The following PLSCR1 variants were observed in gnomAD, a reference collection of about 807,000 sequenced individuals.
PLSCR1 encodes the protein PL scramblase 1.
A neutral mutation model predicts 37.8 loss-of-function variants in PLSCR1; 17 were observed. The ratio of observed to expected loss-of-function variants is 0.45; its 90% CI spans 0.31 to 0.68. The LOEUF is 0.68. Ranked by LOEUF, PLSCR1 falls within the 30% of genes least tolerant of loss-of-function variation. The pLI, the probability that PLSCR1 is intolerant of heterozygous loss-of-function variation, is 0.06. For missense variants in PLSCR1, 347 were observed against 380.9 expected (o/e 0.91, Z 0.74); for synonymous variants, 116 against 125.9 (o/e 0.92, Z 0.53).
At chr3:146,520,189 A>C (rs2043999938) in intron 7 of PLSCR1, 1 of 152,154 alleles carries the variant, frequency 6.6e-6, no homozygotes, top group Non-Finnish European at 1.5e-5. Flanking sequence ...TTCTAGATAA[A>C]TAGAAGAAAA....
intron 5 of PLSCR1, among the ~76,000 whole-genome samples, chr3:146,522,659 G>A (rs963607482): frequency 5.3e-5 from 8 of 152,032 alleles, no homozygotes; most frequent in Admixed American, 2.0e-4. Context: ...AGACCTGACC[G>A]TCCACCAGTC....
chr3:146,524,955 C>T (rs1249594805), intron 5 of PLSCR1, among the ~76,000 whole-genome samples: 1 of 152,072 alleles, frequency 6.6e-6, no homozygotes, highest in Non-Finnish European at 1.5e-5. Flanking sequence ...TAAATCTATC[C>T]AGGGTCTTCT....
intron 5 of PLSCR1, among the ~76,000 whole-genome samples, chr3:146,523,098 C>T (rs955150812): frequency 2.0e-5 from 3 of 152,140 alleles, no homozygotes; most frequent in East Asian, 1.9e-4. Context: ...GCGGGTCCTC[C>T]GTATGCTGAA....
intron 1 of PLSCR1, among the ~76,000 whole-genome samples, chr3:146,542,875 C>A (rs1489630599): frequency 6.6e-6 from 1 of 151,956 alleles, no homozygotes; most frequent in Non-Finnish European, 1.5e-5. Context: ...GGCACTAGAG[C>A]ACAATACCTA....
chr3:146,516,113 C>A lies in PLSCR1; in HGVS notation c.901-12G>T, dbSNP rs780240650. On this transcript the variant is annotated splice_polypyrimidine_tract_variant and intron_variant, in intron 8 of 8. Transcript: ENST00000342435. ...AAAAACATGAAGTCCTAGATAAAAA[C>A]AAAAGTATACAAATGAATTTTCAAC... 4 of 1,562,998 alleles carry A rather than the reference C, an allele frequency of 2.6e-6. No homozygotes were observed. The Admixed American group carries it at 6.9e-5, about 27-fold the overall frequency.
At chr3:146,516,536 T>C (rs2108614620) in intron 8 of PLSCR1, 1 of 168,400 alleles carries the variant, frequency 5.9e-6, no homozygotes, top group East Asian at 1.8e-4. Context: ...GAATCACTGG[T>C]ATATCCAATT....
At chr3:146,527,515 T>C (rs1228781033) in intron 4 of PLSCR1, among the ~76,000 whole-genome samples, 2 of 152,222 alleles carry the variant, frequency 1.3e-5, no homozygotes, top group African/African-American at 4.8e-5. Flanking sequence ...CCTTCTAGAA[T>C]AGGCTGAAGA....
At chr3:146,516,769 T>C (rs185820471) in intron 8 of PLSCR1, 79 of 337,048 alleles carry the variant, frequency 2.3e-4, no homozygotes, top group East Asian at 2.3e-3. Flanking sequence ...CCTTAGTACA[T>C]CTCCTTAGTC....
chr3:146,528,914 T>C (rs2044157592), intron 3 of PLSCR1, 83 bp from the exon 4 acceptor site: 2 of 927,834 alleles, frequency 2.2e-6, no homozygotes, highest in Non-Finnish European at 3.3e-6. Flanking sequence ...CATCTATCTA[T>C]AAGTTGACAT....
intron 2 of PLSCR1, among the ~76,000 whole-genome samples, chr3:146,535,738 A>T (rs2044257589): frequency 6.6e-6 from 1 of 152,206 alleles, no homozygotes; most frequent in South Asian, 2.1e-4. Flanking sequence ...ATAAATTTAC[A>T]TTTAAAAAGC....
intron 2 of PLSCR1, 74 bp downstream of exon 2, chr3:146,536,466 T>C (rs2044267010): frequency 1.2e-6 from 1 of 857,550 alleles, no homozygotes; most frequent in East Asian, 2.4e-5. Context: ...GAATAAAACA[T>C]TATGACAAAT....
At chr3:146,529,557 G>C (rs1208644846) in intron 3 of PLSCR1, among the ~76,000 whole-genome samples, 1 of 150,292 alleles carries the variant, frequency 6.7e-6, no homozygotes, top group Non-Finnish European at 1.5e-5. Flanking sequence ...CTGTCGCCCA[G>C]GCTGGAGTGC....
intron 4 of PLSCR1, among the ~76,000 whole-genome samples, chr3:146,526,244 CCAGT>C (rs2044110906): frequency 6.8e-6 from 1 of 147,600 alleles, no homozygotes; most frequent in African/African-American, 2.5e-5. Flanking sequence ...TACAAAATGG[CCAGT>C]AAGTTTATGA....
chr3:146,520,567 G>C (rs1190083908), intron 7 of PLSCR1, among the ~76,000 whole-genome samples: 4 of 152,200 alleles, frequency 2.6e-5, no homozygotes, highest in African/African-American at 9.6e-5. Context: ...CCTTAGAACT[G>C]CAAATCTCTG....
At chr3:146,524,239 C>G (rs1449442484) in intron 5 of PLSCR1, among the ~76,000 whole-genome samples, 2 of 151,988 alleles carry the variant, frequency 1.3e-5, no homozygotes, top group African/African-American at 2.4e-5. Context: ...GTTTACATAA[C>G]CTTTAAGTTT....
At chr3:146,534,891 T>C (rs532610863) in intron 2 of PLSCR1, among the ~76,000 whole-genome samples, 1 of 151,928 alleles carries the variant, frequency 6.6e-6, no homozygotes, top group South Asian at 2.1e-4. Context: ...AATAAATAAA[T>C]AAATAAATAA....
chr3:146,536,665 A>G (rs1230467025), intron 1 of PLSCR1, 100 bp from the exon 2 acceptor site: 5 of 720,178 alleles, frequency 6.9e-6, no homozygotes, highest in Non-Finnish European at 1.3e-5. Flanking sequence ...TCACATTCAT[A>G]GGATATTCCT....
chr3:146,540,581 A>G (rs1397004457), intron 1 of PLSCR1, among the ~76,000 whole-genome samples: 2 of 152,182 alleles, frequency 1.3e-5, no homozygotes, highest in Non-Finnish European at 2.9e-5. Flanking sequence ...CCTAAAACTA[A>G]AATTTGTTTA....
chr3:146,527,519 C>A (rs2044134397), intron 4 of PLSCR1, among the ~76,000 whole-genome samples: 2 of 152,052 alleles, frequency 1.3e-5, no homozygotes. Context: ...CTAGAATAGG[C>A]TGAAGAAATA....
Sources: gnomAD v4.1 joint callset for allele counts (sites outside exome capture counted in the v4.1 genomes callset) on GRCh38, gnomAD v4.1.1 for gene constraint, MANE v1.5 for transcripts, NCBI Gene and HGNC (gene_info 2026-07-23, HGNC 2026-07-21) for gene names.